NTM: variants seen among roughly 807,000 people sequenced by gnomAD.
NTM encodes IgLON family member 2.
NTM carries 13 observed loss-of-function variants against 42.1 expected under a neutral mutation model. The observed-to-expected ratio is 0.31, with a 90% CI of 0.20 to 0.49. NTM has a LOEUF of 0.49. Ranked by LOEUF, NTM falls within the 20% of genes least tolerant of loss-of-function variation. The pLI, the probability that NTM is intolerant of heterozygous loss-of-function variation, is 0.99. For synonymous variants in NTM, 187 were observed against 179.2 expected (o/e 1.04, Z -0.35); for missense variants, 373 against 452.8 (o/e 0.82, Z 1.60).
chr11:132,226,478 TC>T (rs1684889200), intron 4 of NTM, among the ~76,000 whole-genome samples: 1 of 152,244 alleles, frequency 6.6e-6, no homozygotes, highest in South Asian at 2.1e-4. Context: ...GAGGTTTTTT[TC>T]ATATGTTTAT....
At chr11:131,786,269 C>G (rs1400489323) in intron 1 of NTM, among the ~76,000 whole-genome samples, 1 of 152,204 alleles carries the variant, frequency 6.6e-6, no homozygotes, top group East Asian at 1.9e-4. Flanking sequence ...GAATATCTAT[C>G]TTTAGACAGA....
chr11:132,187,364 C>G (rs1201275361), intron 3 of NTM, among the ~76,000 whole-genome samples: 1 of 152,138 alleles, frequency 6.6e-6, no homozygotes, highest in Admixed American at 6.5e-5. Context: ...CTTAGCTGTT[C>G]TGTTTTAGTT....
chr11:131,402,630 T>C lies in NTM; in HGVS notation c.82+31742T>C, dbSNP rs138186938. ...TGCGTGCCCACTCAGAATGGAAAGA[T>C]ATACAGAGACTACCAAGAACCAACA... On this transcript the variant is annotated intron_variant, in intron 1 of 8. Coordinates refer to ENST00000683400, the MANE Select transcript of NTM (RefSeq NM_001352005.2). Among the ~76,000 whole-genome samples the C allele has an allele frequency of 1.2e-4, 19 of 152,260 alleles. No individual in the cohort carries two copies. The East Asian group carries it at 3.5e-3, about 28-fold the overall frequency.
At chr11:132,155,464 C>T (rs956622577) in intron 3 of NTM, among the ~76,000 whole-genome samples, 31 of 152,258 alleles carry the variant, frequency 2.0e-4, no homozygotes, top group African/African-American at 7.5e-4. Context: ...CATGTCCTGC[C>T]GCTGATGTGG....
chr11:131,407,771 C>A (rs1435991622), intron 1 of NTM, among the ~76,000 whole-genome samples: 1 of 152,206 alleles, frequency 6.6e-6, no homozygotes, highest in Non-Finnish European at 1.5e-5. Context: ...GGAACCAGGG[C>A]TGGCTCCCGG....
At chr11:131,802,196 G>A (rs1009563294) in intron 1 of NTM, among the ~76,000 whole-genome samples, 11 of 152,130 alleles carry the variant, frequency 7.2e-5, no homozygotes, top group Non-Finnish European at 1.5e-4. Context: ...TGTGGGGAGA[G>A]AACCTATTCA....
intron 1 of NTM, among the ~76,000 whole-genome samples, chr11:131,726,118 A>G (rs753710464): frequency 2.0e-5 from 3 of 152,202 alleles, no homozygotes; most frequent in African/African-American, 7.2e-5. Flanking sequence ...ACAGGAAAAA[A>G]TTACATGAGA....
At chr11:132,195,635 G>A (rs1271598949) in intron 3 of NTM, among the ~76,000 whole-genome samples, 5 of 152,066 alleles carry the variant, frequency 3.3e-5, no homozygotes, top group Non-Finnish European at 1.5e-5. Context: ...CAGGATAGAG[G>A]CCTCAGAAAT....
At chr11:131,558,809 G>A (rs1211660016) in intron 1 of NTM, among the ~76,000 whole-genome samples, 2 of 152,174 alleles carry the variant, frequency 1.3e-5, no homozygotes, top group African/African-American at 4.8e-5. Flanking sequence ...GGATCTCTGC[G>A]AGTGGCTTCA....
At chr11:131,943,697 A>T (rs2060047041) in intron 2 of NTM, among the ~76,000 whole-genome samples, 1 of 152,190 alleles carries the variant, frequency 6.6e-6, no homozygotes, top group Non-Finnish European at 1.5e-5. Flanking sequence ...AATTTTAGAA[A>T]TGCAACTTTC....
At chr11:132,330,770 T>C (rs551672568) in intron 8 of NTM, among the ~76,000 whole-genome samples, 1 of 152,310 alleles carries the variant, frequency 6.6e-6, no homozygotes, top group African/African-American at 2.4e-5. Context: ...ATTAGTCTCT[T>C]TAGGCCTCCG....
intron 4 of NTM, among the ~76,000 whole-genome samples, chr11:132,233,852 T>C (rs1203401142): frequency 6.6e-6 from 1 of 152,262 alleles, no homozygotes; most frequent in African/African-American, 2.4e-5. Flanking sequence ...CTCAGCACTC[T>C]GTGAAGTTGC....
At chr11:132,031,870 C>T (rs911047765) in intron 2 of NTM, among the ~76,000 whole-genome samples, 1 of 152,102 alleles carries the variant, frequency 6.6e-6, no homozygotes, top group African/African-American at 2.4e-5. Flanking sequence ...TTTAAATCTT[C>T]TTGTTCTCAT....
chr11:131,684,610 G>A (rs991875850), intron 1 of NTM, among the ~76,000 whole-genome samples: 3 of 152,222 alleles, frequency 2.0e-5, no homozygotes, highest in Non-Finnish European at 4.4e-5. Context: ...CCTGCAGGTG[G>A]ACATTTGGCC....
intron 3 of NTM, among the ~76,000 whole-genome samples, chr11:132,182,783 A>T (rs2077771415): frequency 6.6e-6 from 1 of 152,196 alleles, no homozygotes; most frequent in Non-Finnish European, 1.5e-5. Context: ...CAAAGCATAT[A>T]AACTTCTCTA....
chr11:131,692,394 C>A (rs1225100798), intron 1 of NTM, among the ~76,000 whole-genome samples: 1 of 151,972 alleles, frequency 6.6e-6, no homozygotes, highest in African/African-American at 2.4e-5. Context: ...CAGGGCTAGC[C>A]TATCTCCCAT....
chr11:131,913,193 C>G (rs1291267390), intron 2 of NTM, among the ~76,000 whole-genome samples: 1 of 152,200 alleles, frequency 6.6e-6, no homozygotes, highest in East Asian at 1.9e-4. Context: ...ATGTCTAGAG[C>G]AGTAATAATC....
At chr11:131,973,043 A>T (rs777449098) in intron 2 of NTM, among the ~76,000 whole-genome samples, 19 of 152,346 alleles carry the variant, frequency 1.2e-4, no homozygotes, top group Non-Finnish European at 2.5e-4. Context: ...TAAAGAAAAG[A>T]TTCGTTCTTT....
At chr11:131,627,436 C>T (rs907789989) in intron 1 of NTM, among the ~76,000 whole-genome samples, 3 of 152,182 alleles carry the variant, frequency 2.0e-5, no homozygotes, top group South Asian at 4.1e-4. Flanking sequence ...GTAGACTAAA[C>T]TGGAATTCTT....
Sources: gnomAD v4.1 joint callset for allele counts (sites outside exome capture counted in the v4.1 genomes callset) on GRCh38, gnomAD v4.1.1 for gene constraint, MANE v1.5 for transcripts, NCBI Gene and HGNC (gene_info 2026-07-23, HGNC 2026-07-21) for gene names.